SKAP2: variants seen among roughly 807,000 people sequenced by gnomAD.
SKAP2 encodes the protein src kinase-associated phosphoprotein 2.
In SKAP2, 28 loss-of-function variants were observed where a neutral mutation model predicts 54.9. The ratio of observed to expected loss-of-function variants is 0.51; its 90% CI spans 0.38 to 0.70. The LOEUF (loss-of-function observed/expected upper bound fraction) is 0.70. SKAP2 is among the 30% of genes least tolerant of loss of function. The probability of loss-of-function intolerance (pLI) is 0.00; values close to 1 mark genes in which losing one functional copy is unlikely to be tolerated. For synonymous variants in SKAP2, 137 were observed against 134.3 expected (o/e 1.02, Z -0.14); for missense variants, 356 against 424.1 (o/e 0.84, Z 1.41).
intron 11 of SKAP2, among the ~76,000 whole-genome samples, chr7:26,684,514 T>C (rs147562730): frequency 1.3e-5 from 2 of 152,206 alleles, no homozygotes; most frequent in East Asian, 1.9e-4. Flanking sequence ...GCTGAAGTGA[T>C]AGGTAAACAC....
chr7:26,833,486 GCAAAGACATA>G (rs1208830985), intron 4 of SKAP2, among the ~76,000 whole-genome samples: 1 of 151,672 alleles, frequency 6.6e-6, no homozygotes, highest in Non-Finnish European at 1.5e-5. Flanking sequence ...CATCTGACGT[GCAAAGACATA>G]CAAAGGGTCA....
At chr7:26,736,652 T>C (rs541635175) in intron 6 of SKAP2, among the ~76,000 whole-genome samples, 1 of 152,348 alleles carries the variant, frequency 6.6e-6, no homozygotes, top group Non-Finnish European at 1.5e-5. Flanking sequence ...GGCCTCAAAT[T>C]CTTTCTTGCA....
chr7:26,754,821 G>T (rs929687565), intron 4 of SKAP2, among the ~76,000 whole-genome samples: 9 of 152,126 alleles, frequency 5.9e-5, no homozygotes, highest in Admixed American at 5.2e-4. Flanking sequence ...CTCAGAGGAG[G>T]CTAGGGCAAT....
chr7:26,699,744 A>G (rs1173302606), intron 9 of SKAP2, among the ~76,000 whole-genome samples: 1 of 152,190 alleles, frequency 6.6e-6, no homozygotes, highest in Non-Finnish European at 1.5e-5. Context: ...GAGATCAATA[A>G]GTTTAAGAAT....
At chr7:26,752,506 A>G (rs1329325741) in intron 4 of SKAP2, among the ~76,000 whole-genome samples, 1 of 152,194 alleles carries the variant, frequency 6.6e-6, no homozygotes, top group Non-Finnish European at 1.5e-5. Context: ...AAACTCAAGG[A>G]TAAGATCATA....
chr7:26,672,748 T>C (rs1238228174), intron 11 of SKAP2, among the ~76,000 whole-genome samples: 1 of 151,966 alleles, frequency 6.6e-6, no homozygotes, highest in African/African-American at 2.4e-5. Context: ...AGACTGCAAA[T>C]ACAGGAGCTT....
intron 4 of SKAP2, among the ~76,000 whole-genome samples, chr7:26,804,734 G>A (rs557009939): frequency 2.1e-4 from 26 of 125,656 alleles, no homozygotes; most frequent in Admixed American, 6.6e-4. Context: ...GTGAGACCCC[G>A]TCTCAAAAAA....
At chr7:26,835,143 C>A (rs1302527660) in intron 4 of SKAP2, among the ~76,000 whole-genome samples, 1 of 152,160 alleles carries the variant, frequency 6.6e-6, no homozygotes, top group East Asian at 1.9e-4. Context: ...TAAAATTCAG[C>A]AGCCCTTCAT....
chr7:26,767,231 T>C (rs1783079131), intron 4 of SKAP2, among the ~76,000 whole-genome samples: 1 of 152,210 alleles, frequency 6.6e-6, no homozygotes, highest in South Asian at 2.1e-4. Flanking sequence ...GTCAATTTCT[T>C]CTACATTTTC....
intron 9 of SKAP2, among the ~76,000 whole-genome samples, chr7:26,697,096 A>G (rs1350734562): frequency 6.6e-6 from 1 of 152,168 alleles, no homozygotes; most frequent in Non-Finnish European, 1.5e-5. Flanking sequence ...CTTAGATAGA[A>G]TCTTGTTCAG....
Position 26,854,081 on chromosome 7 carries a change from T to C in SKAP2, c.199+56A>G, listed in dbSNP as rs564888781. On this transcript the variant is annotated intron_variant, in intron 3 of 12. Coordinates refer to ENST00000345317, the MANE Select transcript of SKAP2 (RefSeq NM_003930.5). ...TTTCAGTATGTGTTAGATTATCCTA[T>C]TGAAAATTTCCACAGAGGAAAAAAA... 17 of 1,214,478 alleles carry C rather than the reference T, an allele frequency of 1.4e-5. No homozygotes were observed. The Admixed American group carries it at 1.6e-4, about 12-fold the overall frequency. 75.2% of individuals were successfully genotyped at this position (1,214,478 alleles called of 1,614,324 possible). A position where few individuals can be genotyped will look rare whatever the true frequency, so the allele number is the denominator to read the frequency against.
chr7:26,716,585 T>C (rs1419335481), intron 9 of SKAP2, among the ~76,000 whole-genome samples: 1 of 152,228 alleles, frequency 6.6e-6, no homozygotes, highest in Non-Finnish European at 1.5e-5. Flanking sequence ...GTTATATTTA[T>C]CATTCTTACT....
At chr7:26,655,390 C>T in the SKAP2 span, among the ~76,000 whole-genome samples, 1 of 152,032 alleles carries the variant, frequency 6.6e-6, no homozygotes, top group Non-Finnish European at 1.5e-5. Context: ...TTTTAATGTC[C>T]CCTAAATAAT....
intron 9 of SKAP2, among the ~76,000 whole-genome samples, chr7:26,717,735 G>A (rs1165590259): frequency 6.6e-6 from 1 of 150,970 alleles, no homozygotes; most frequent in Non-Finnish European, 1.5e-5. Context: ...GGGAGGCTGA[G>A]GCAGGAAAAT....
chr7:26,669,609 G>A lies in SKAP2; in HGVS notation c.*57C>T, dbSNP rs1279353515. 1.3e-5 allele frequency: 2 copies of A among 152,118 alleles called. No homozygotes were observed. The highest frequency in any genetic ancestry group is 2.4e-5 in the African/African-American group (1 of 41,346). The allele number at this position is 152,118 out of a possible 1,614,324, so 9.4% of individuals were successfully genotyped here. The stretch of plus-strand genomic sequence containing the variant: ...GAGCTGTCACTCGTGCTTTCATGAC[G>A]CTTCTAAATCCAAAGCATTTGCAGA... On this transcript the variant is annotated 3_prime_UTR_variant, in exon 13 of 13. Coordinates refer to ENST00000345317, the MANE Select transcript of SKAP2 (RefSeq NM_003930.5).
At chr7:26,834,179 G>C (rs1784659007) in intron 4 of SKAP2, among the ~76,000 whole-genome samples, 1 of 152,086 alleles carries the variant, frequency 6.6e-6, no homozygotes, top group Admixed American at 6.5e-5. Context: ...AGAATCTCTG[G>C]GACACAGCTA....
intron 4 of SKAP2, among the ~76,000 whole-genome samples, chr7:26,741,972 A>G (rs1782465194): frequency 6.6e-6 from 1 of 152,216 alleles, no homozygotes; most frequent in South Asian, 2.1e-4. Context: ...ATTAAAACAT[A>G]TTTAAAATAG....
chr7:26,767,398 A>G (rs1783083951), intron 4 of SKAP2, among the ~76,000 whole-genome samples: 1 of 152,054 alleles, frequency 6.6e-6, no homozygotes. Context: ...TGTTTTGTTA[A>G]TCTTTTCAAA....
chr7:26,708,534 C>T (rs1191722836), intron 9 of SKAP2, among the ~76,000 whole-genome samples: 8 of 152,112 alleles, frequency 5.3e-5, no homozygotes. Context: ...ATAGTTACCC[C>T]ACCTAAACAT....
Sources: gnomAD v4.1 joint callset for allele counts (sites outside exome capture counted in the v4.1 genomes callset) on GRCh38, gnomAD v4.1.1 for gene constraint, MANE v1.5 for transcripts, NCBI Gene and HGNC (gene_info 2026-07-23, HGNC 2026-07-21) for gene names.